SNX29: variants seen among roughly 807,000 people sequenced by gnomAD.
The protein encoded by SNX29 is sorting nexin-29.
Under a neutral mutation model 102.1 loss-of-function variants are expected in SNX29, and 78 were observed. The observed-to-expected ratio is 0.76, with a 90% CI of 0.64 to 0.92. SNX29 has a LOEUF of 0.92. Ranked by LOEUF, SNX29 falls within the 40% of genes least tolerant of loss-of-function variation. The pLI is 0.00. For missense variants in SNX29, 1,280 were observed against 1,061.7 expected (o/e 1.21, Z -2.86); for synonymous variants, 580 against 414.5 (o/e 1.40, Z -4.85).
intron 19 of SNX29, among the ~76,000 whole-genome samples, chr16:12,511,875 C>T (rs994091838): frequency 6.6e-6 from 1 of 151,830 alleles, no homozygotes; most frequent in African/African-American, 2.4e-5. Context: ...CTTCAGAGTT[C>T]ATTCTAGGTG....
At chr16:11,998,540 G>C (rs1336418049) in intron 1 of SNX29, among the ~76,000 whole-genome samples, 1 of 152,166 alleles carries the variant, frequency 6.6e-6, no homozygotes, top group Non-Finnish European at 1.5e-5. Context: ...TATCAGGGCT[G>C]GTGTCTTTGT....
chr16:12,296,309 A>G (rs2079979911), intron 15 of SNX29, among the ~76,000 whole-genome samples: 1 of 152,234 alleles, frequency 6.6e-6, no homozygotes. Context: ...TCGAGTGGAT[A>G]AAATTGGCTT....
At chr16:12,564,401 C>CA (rs144065774) in intron 20 of SNX29, among the ~76,000 whole-genome samples, 39,530 of 152,024 alleles carry the variant, frequency 0.26, 5,682 homozygotes, top group East Asian at 0.44. Context: ...AAATATGCAT[C>CA]AATGATGTAT....
chr16:12,352,158 C>T (rs1032282977), intron 15 of SNX29, among the ~76,000 whole-genome samples: 11 of 152,144 alleles, frequency 7.2e-5, no homozygotes, highest in Non-Finnish European at 1.5e-4. Context: ...AAATGTGGCA[C>T]ATATAGACCA....
chr16:12,568,238 G>A lies in SNX29; in HGVS notation c.2319-268G>A, dbSNP rs192867540. Among the ~76,000 whole-genome samples, 46 of 151,442 alleles carry A rather than the reference G, an allele frequency of 3.0e-4. 3 individuals are homozygous for A. Among genetic ancestry groups the A allele is most frequent in the African/African-American group, 9.7e-4 (40 of 41,298 alleles). On this transcript the variant is annotated intron_variant, in intron 20 of 20. Coordinates refer to ENST00000566228, the MANE Select transcript of SNX29 (RefSeq NM_032167.5). ...CTTTCATAGCCTTAAAATGTAGACCGGAACGGTGGTACCATGAGCTAGCTC... is the reference window on the plus strand; with the variant it reads ...CTTTCATAGCCTTAAAATGTAGACCAGAACGGTGGTACCATGAGCTAGCTC...
intron 20 of SNX29, among the ~76,000 whole-genome samples, chr16:12,557,882 C>T (rs1034391093): frequency 2.0e-5 from 3 of 152,136 alleles, no homozygotes; most frequent in African/African-American, 4.8e-5. Flanking sequence ...GGAGGAGGGC[C>T]TCTGCAGGCA....
intron 20 of SNX29, among the ~76,000 whole-genome samples, chr16:12,542,705 G>T (rs2077396463): frequency 6.6e-6 from 1 of 152,024 alleles, no homozygotes; most frequent in South Asian, 2.1e-4. Context: ...GCTGGTGTTG[G>T]TCCCAGTCTT....
chr16:12,294,420 T>C (rs1359167053), intron 15 of SNX29, among the ~76,000 whole-genome samples: 1 of 152,140 alleles, frequency 6.6e-6, no homozygotes, highest in African/African-American at 2.4e-5. Context: ...CTCCCTCCGA[T>C]GGGCTGAGAA....
intron 13 of SNX29, among the ~76,000 whole-genome samples, chr16:12,194,751 C>T (rs1230102746): frequency 4.0e-5 from 6 of 151,660 alleles, no homozygotes; most frequent in East Asian, 1.9e-4. Context: ...CTCAGCCTCC[C>T]GACCAGCTGG....
At chr16:12,520,013 A>T (rs1302280387) in intron 19 of SNX29, among the ~76,000 whole-genome samples, 1 of 152,052 alleles carries the variant, frequency 6.6e-6, no homozygotes, top group East Asian at 1.9e-4. Context: ...AAAAATAATA[A>T]TAATAATAAT....
intron 3 of SNX29, among the ~76,000 whole-genome samples, chr16:12,022,846 A>G (rs2057070163): frequency 6.7e-6 from 1 of 149,710 alleles, no homozygotes; most frequent in Non-Finnish European, 1.5e-5. Flanking sequence ...CCTCTAGCAT[A>G]GTATTTTCAA....
At chr16:12,301,174 A>T (rs1187401667) in intron 15 of SNX29, among the ~76,000 whole-genome samples, 4 of 152,200 alleles carry the variant, frequency 2.6e-5, no homozygotes. Context: ...AAAATATCTC[A>T]TAAAGCCAAC....
Position 12,477,828 on chromosome 16 carries a change from A to C in SNX29, c.2147A>C (p.Asn716Thr). The change falls in exon 19 of 21, where the codon AAC (asparagine) becomes ACC (threonine). Residue 716 changes from asparagine (N) to threonine (T), a missense_variant. Coordinates refer to ENST00000566228, the MANE Select transcript of SNX29 (RefSeq NM_032167.5). Reference sequence around the variant, plus strand: ...AAGTACCCTCAAGTGAGGGCCTACAACTTCCCACCCAAAAAGGCCATTGGA... The same window carrying C: ...AAGTACCCTCAAGTGAGGGCCTACACCTTCCCACCCAAAAAGGCCATTGGA... ...QNKYPQVRAY[N>T]FPPKKAIGNK... 6.2e-7 allele frequency: 1 copy of C among 1,610,790 alleles called. No homozygotes were observed. Among genetic ancestry groups the C allele is most frequent in the South Asian group, 1.1e-5 (1 of 90,562 alleles).
At chr16:12,436,533 C>T (rs915854945) in intron 18 of SNX29, among the ~76,000 whole-genome samples, 1 of 152,260 alleles carries the variant, frequency 6.6e-6, no homozygotes, top group Admixed American at 6.5e-5. Context: ...TGCTCAGGCG[C>T]AGCCTGGCTT....
chr16:12,071,251 A>G (rs546141375), intron 10 of SNX29, among the ~76,000 whole-genome samples: 12 of 152,176 alleles, frequency 7.9e-5, no homozygotes, highest in Admixed American at 2.6e-4. Context: ...GCCCATGCCT[A>G]TGTTCTGAAT....
intron 17 of SNX29, 46 bp from the exon 18 acceptor site, chr16:12,403,402 A>G (rs2084038508): frequency 6.6e-7 from 1 of 1,516,036 alleles, no homozygotes; most frequent in Non-Finnish European, 8.9e-7. Context: ...ATTTTTTTGT[A>G]AGTTAAAATG....
At chr16:12,227,126 A>G (rs998207049) in intron 14 of SNX29, among the ~76,000 whole-genome samples, 9 of 128,180 alleles carry the variant, frequency 7.0e-5, no homozygotes, top group Non-Finnish European at 9.8e-5. Flanking sequence ...GTTGTCATGC[A>G]GTGCATCTGG....
intron 10 of SNX29, among the ~76,000 whole-genome samples, chr16:12,076,565 G>A (rs967440884): frequency 2.6e-5 from 4 of 152,174 alleles, no homozygotes; most frequent in Admixed American, 2.6e-4. Flanking sequence ...GCCTCCCAAA[G>A]TGCTGGGATT....
intron 18 of SNX29, among the ~76,000 whole-genome samples, chr16:12,458,246 T>A (rs1246483996): frequency 6.6e-6 from 1 of 152,112 alleles, no homozygotes; most frequent in African/African-American, 2.4e-5. Context: ...TTTTGTAGCA[T>A]ATCTGCCCCG....
Sources: allele counts gnomAD v4.1 joint callset (sites outside exome capture counted in the v4.1 genomes callset), GRCh38; gene constraint gnomAD v4.1.1; transcripts MANE v1.5; gene names NCBI Gene and HGNC (gene_info 2026-07-23, HGNC 2026-07-21).